The following ADGRE3 variants were observed in gnomAD, a reference collection of about 807,000 sequenced individuals.
ADGRE3 encodes the protein EGF-like module receptor 3.
In ADGRE3, 88 loss-of-function variants were observed where a neutral mutation model predicts 80.1. The ratio of observed to expected loss-of-function variants is 1.10; its 90% CI spans 0.93 to 1.31. The LOEUF (loss-of-function observed/expected upper bound fraction) is 1.31, where lower values mean the gene tolerates loss of function less well. Ranked by LOEUF, ADGRE3 falls within the 40% of genes most tolerant of loss-of-function variation. The pLI is 0.00. For synonymous variants in ADGRE3, 281 were observed against 294.8 expected, an observed-to-expected ratio of 0.95 and a Z score of 0.48; for missense variants, 715 against 776.5, an observed-to-expected ratio of 0.92 and a Z score of 0.94.
chr19:14,653,954 T>G (rs1201870417), intron 6 of ADGRE3, among the ~76,000 whole-genome samples: 2 of 151,330 alleles, frequency 1.3e-5, no homozygotes, highest in African/African-American at 2.4e-5. Context: ...TGTTTTTTTT[T>G]TTTTTTTTTT....
intron 15 of ADGRE3, among the ~76,000 whole-genome samples, chr19:14,620,568 A>ATATATTTTTTTT (rs1435435269): frequency 1.8e-4 from 2 of 11,042 alleles, no homozygotes; most frequent in Admixed American, 2.0e-3. Context: ...ATATATATAT[A>ATATATTTTTTTT]TTTTTTTTTT....
At chr19:14,607,489 C>T in the ADGRE3 span, among the ~76,000 whole-genome samples, 1 of 151,616 alleles carries the variant, frequency 6.6e-6, no homozygotes, top group Non-Finnish European at 1.5e-5. Context: ...AGGCGTGAGC[C>T]ACCGCGCCCG....
the ADGRE3 span, among the ~76,000 whole-genome samples, chr19:14,600,486 G>A: frequency 2.0e-5 from 3 of 152,126 alleles, no homozygotes; most frequent in Admixed American, 6.6e-5. Context: ...GTTTCAGGTT[G>A]CATTCCAAAT....
the ADGRE3 span, among the ~76,000 whole-genome samples, chr19:14,602,173 A>G: frequency 1.3e-5 from 2 of 151,664 alleles, no homozygotes; most frequent in Non-Finnish European, 2.9e-5. Context: ...TTTATTTTTA[A>G]TTTATTTATG....
chr19:14,651,319 G>A, intron 6 of ADGRE3, 115 bp from the exon 7 acceptor site: 1 of 1,160,250 alleles, frequency 8.6e-7, no homozygotes, highest in Admixed American at 1.9e-5. Context: ...AGAGGCTGAG[G>A]CAGAAGGATT....
intron 12 of ADGRE3, 89 bp downstream of exon 12, chr19:14,633,147 C>G (rs1970931635): frequency 7.5e-7 from 1 of 1,339,660 alleles, no homozygotes; most frequent in Non-Finnish European, 1.1e-6. Flanking sequence ...AACCACCCAA[C>G]AGTGGAAATG....
In ADGRE3 at chr19:14,630,024, G is replaced by T. The variant is rs1486392469; in HGVS notation, c.1812+15C>A. On this transcript the variant is annotated intron_variant, in intron 14 of 15. Transcript: ENST00000253673. Reference sequence around the variant, plus strand: ...TTCTTAAGTTTAAATAACAAAGAAAGGGGTCAGTGTTTACCTGCTGGCTGA... The same window carrying T: ...TTCTTAAGTTTAAATAACAAAGAAATGGGTCAGTGTTTACCTGCTGGCTGA... The T allele has an allele frequency of 7.8e-6, 12 of 1,543,228 alleles. No homozygotes were observed. The highest frequency in any genetic ancestry group is 1.2e-5 in the South Asian group (1 of 81,906).
At chr19:14,635,580 T>A (rs966043216) in intron 11 of ADGRE3, among the ~76,000 whole-genome samples, 1 of 151,614 alleles carries the variant, frequency 6.6e-6, no homozygotes, top group African/African-American at 2.4e-5. Context: ...CCCGGCTAAT[T>A]TTTTGTCTTT....
intron 15 of ADGRE3, among the ~76,000 whole-genome samples, chr19:14,620,874 C>A (rs10420780): frequency 6.6e-6 from 1 of 151,348 alleles, no homozygotes; most frequent in Non-Finnish European, 1.5e-5. Flanking sequence ...CAATGTTAAA[C>A]GATTTTCCTT....
At chr19:14,653,584 T>G (rs930186864) in intron 6 of ADGRE3, among the ~76,000 whole-genome samples, 33 of 152,122 alleles carry the variant, frequency 2.2e-4, no homozygotes, top group African/African-American at 7.7e-4. Flanking sequence ...TATTAAAATT[T>G]TTTTTTGAGA....
At chr19:14,669,599 C>T (rs1972198447) in intron 1 of ADGRE3, among the ~76,000 whole-genome samples, 2 of 152,102 alleles carry the variant, frequency 1.3e-5, no homozygotes, top group Admixed American at 6.6e-5. Context: ...ATCGATTCTC[C>T]TGCCTTAGCC....
chr19:14,665,457 A>G (rs912809742), intron 2 of ADGRE3, among the ~76,000 whole-genome samples: 1 of 152,012 alleles, frequency 6.6e-6, no homozygotes, highest in African/African-American at 2.4e-5. Flanking sequence ...TTGACCGTGC[A>G]CGCAAGTCTT....
chr19:14,658,764 T>TGGG (rs1971849909), intron 4 of ADGRE3, among the ~76,000 whole-genome samples: 1 of 152,160 alleles, frequency 6.6e-6, no homozygotes, highest in Non-Finnish European at 1.5e-5. Context: ...AGACAGAGTC[T>TGGG]CACTCTGTTG....
intron 4 of ADGRE3, among the ~76,000 whole-genome samples, chr19:14,659,756 G>C (rs778386686): frequency 9.7e-5 from 14 of 144,896 alleles, no homozygotes; most frequent in Non-Finnish European, 1.9e-4. Context: ...AGGAGGCAAA[G>C]GTTGCAGTGA....
Position 14,644,127 on chromosome 19 carries a change from A to G in ADGRE3, c.1031T>C (p.Leu344Pro). 1.9e-6 allele frequency: 3 copies of G among 1,561,140 alleles called. No individual in the cohort carries two copies. The highest frequency in any genetic ancestry group is 2.6e-6 in the Non-Finnish European group (3 of 1,154,938). Residue 344 changes from leucine (L) to proline (P), a missense_variant, in exon 9 of 16, where the codon CTG (leucine) becomes CCG (proline). Coordinates refer to ENST00000253673, the MANE Select transcript of ADGRE3 (RefSeq NM_032571.5). ...NCSHLSSFAV[L>P]MALTSQEEDP... Reference sequence around the variant, plus strand: ...TCATACCTGGCTGGTCAGGGCCATCAGGACAGCGAAGCTGGACAGGTGACT... The same window carrying G: ...TCATACCTGGCTGGTCAGGGCCATCGGGACAGCGAAGCTGGACAGGTGACT...
intron 13 of ADGRE3, among the ~76,000 whole-genome samples, chr19:14,632,197 G>T (rs1970902894): frequency 6.6e-6 from 1 of 152,060 alleles, no homozygotes; most frequent in Admixed American, 6.6e-5. Context: ...GATCTCTATT[G>T]GCTGGGGTGG....
intron 4 of ADGRE3, among the ~76,000 whole-genome samples, chr19:14,661,417 G>T (rs920749535): frequency 5.9e-5 from 9 of 152,178 alleles, no homozygotes; most frequent in African/African-American, 2.2e-4. Context: ...TCCTGTCCTT[G>T]CAGGGCATGG....
chr19:14,600,230 T>C, the ADGRE3 span: 48 of 1,601,126 alleles, frequency 3.0e-5, no homozygotes, highest in Non-Finnish European at 4.1e-5. Flanking sequence ...GACAGCCTGC[T>C]TCTCTTCCAG....
intron 4 of ADGRE3, among the ~76,000 whole-genome samples, chr19:14,659,821 T>TTAAAAAAAA (rs1971887300): frequency 6.7e-5 from 1 of 14,962 alleles, no homozygotes; most frequent in Non-Finnish European, 1.0e-4. Context: ...ACTCTGCCTC[T>TTAAAAAAAA]GAAAAAAAAA....
Sources: allele counts gnomAD v4.1 joint callset (sites outside exome capture counted in the v4.1 genomes callset), GRCh38; gene constraint gnomAD v4.1.1; transcripts MANE v1.5; gene names NCBI Gene and HGNC (gene_info 2026-07-23, HGNC 2026-07-21).